Variants in HPSE2 observed in about 807,000 individuals in gnomAD.
HPSE2 encodes inactive heparanase-2.
HPSE2 carries 38 observed loss-of-function variants against 60.5 expected under a neutral mutation model. The observed-to-expected ratio is 0.63, with a 90% CI of 0.48 to 0.82. The LOEUF (loss-of-function observed/expected upper bound fraction) is 0.82. Ranked by LOEUF, HPSE2 falls within the 40% of genes least tolerant of loss-of-function variation. The pLI is 0.00. For missense variants in HPSE2, 713 were observed against 740.4 expected (o/e 0.96, Z 0.43); for synonymous variants, 295 against 293.2 (o/e 1.01, Z -0.06).
At chr10:99,013,765 T>C (rs10883246) in intron 3 of HPSE2, 186,868 of 242,140 alleles carry the variant, frequency 0.77, 72,668 homozygotes, top group East Asian at 0.85. Flanking sequence ...AGCTACCAGC[T>C]GGAAACATGT....
At chr10:99,069,760 A>T (rs1458486948) in intron 3 of HPSE2, among the ~76,000 whole-genome samples, 2 of 151,914 alleles carry the variant, frequency 1.3e-5, no homozygotes, top group Admixed American at 6.6e-5. Flanking sequence ...GTATCATCTC[A>T]TCTAATGCTC....
In HPSE2 at chr10:99,134,893, A is replaced by AATG. The variant is rs555762482; in HGVS notation, c.610+9342_610+9344dup. ...ATTAACCTTAAATGTAAACAGACTA[A>AATG]ATGCCCCAATTAAAAGACACAGACT... On this transcript the variant is annotated intron_variant, in intron 3 of 11. Transcript: ENST00000370552. Among the ~76,000 whole-genome samples, 61 of 152,310 alleles carry AATG rather than the reference A, an allele frequency of 4.0e-4. 1 individual carries two copies. Among genetic ancestry groups the AATG allele is most frequent in the Admixed American group, 2.4e-3 (37 of 15,298 alleles).
chr10:98,685,792 A>G (rs1051261820), intron 6 of HPSE2, among the ~76,000 whole-genome samples: 38 of 152,292 alleles, frequency 2.5e-4, no homozygotes, highest in African/African-American at 9.1e-4. Context: ...TTGTCATAGG[A>G]CAGGCATATA....
intron 3 of HPSE2, among the ~76,000 whole-genome samples, chr10:98,778,755 T>C (rs1269284702): frequency 6.6e-6 from 1 of 152,202 alleles, no homozygotes; most frequent in Non-Finnish European, 1.5e-5. Flanking sequence ...TGTTCATCTA[T>C]AAAGTAGATG....
chr10:99,172,164 G>C (rs1020866926), intron 2 of HPSE2, among the ~76,000 whole-genome samples: 6 of 152,162 alleles, frequency 3.9e-5, no homozygotes, highest in Non-Finnish European at 7.4e-5. Context: ...CCAAGAGTTA[G>C]TTTTTCAAGC....
chr10:99,183,654 G>A lies in HPSE2; in HGVS notation c.449-39255C>T, dbSNP rs187417354. ...CTGAGCTCCCATCTCCTCAACTGCAGCACCCAATTAAAGCCTTCTTCCTGG... is the reference window on the plus strand; with the variant it reads ...CTGAGCTCCCATCTCCTCAACTGCAACACCCAATTAAAGCCTTCTTCCTGG... On this transcript the variant is annotated intron_variant, in intron 2 of 11. Transcript: ENST00000370552. 2.3e-3 allele frequency among the ~76,000 whole-genome samples: 355 copies of A among 152,316 alleles called. 2 individuals are homozygous for A. The highest frequency in any genetic ancestry group is 4.1e-3 in the Non-Finnish European group (276 of 68,026).
chr10:98,601,405 T>A (rs1945421674), intron 9 of HPSE2, among the ~76,000 whole-genome samples: 1 of 152,194 alleles, frequency 6.6e-6, no homozygotes, highest in African/African-American at 2.4e-5. Context: ...ATCCATCAGA[T>A]TAATCAGAGT....
intron 9 of HPSE2, among the ~76,000 whole-genome samples, chr10:98,604,963 C>T (rs980855054): frequency 1.3e-5 from 2 of 152,190 alleles, no homozygotes; most frequent in African/African-American, 4.8e-5. Flanking sequence ...TATCCCAAGG[C>T]CTTCCTGCCT....
At chr10:99,285,505 GA>G in the HPSE2 span, among the ~76,000 whole-genome samples, 1 of 97,002 alleles carries the variant, frequency 1.0e-5, no homozygotes, top group Non-Finnish European at 1.9e-5. Flanking sequence ...GGAGGGAAAG[GA>G]AAGGGAAGGA....
At chr10:99,282,175 C>T in the HPSE2 span, among the ~76,000 whole-genome samples, 8 of 152,116 alleles carry the variant, frequency 5.3e-5, no homozygotes, top group Non-Finnish European at 1.2e-4. Context: ...AGGAGAATGG[C>T]GTGAACCTGG....
chr10:99,235,312 T>C (rs2133958173), intron 1 of HPSE2, among the ~76,000 whole-genome samples: 1 of 152,306 alleles, frequency 6.6e-6, no homozygotes, highest in East Asian at 1.9e-4. Context: ...AACATGTGCA[T>C]CTTAATAGAA....
At chr10:98,502,736 AG>A (rs1359117399) in intron 9 of HPSE2, among the ~76,000 whole-genome samples, 1 of 152,236 alleles carries the variant, frequency 6.6e-6, no homozygotes, top group African/African-American at 2.4e-5. Flanking sequence ...GCACACCAAA[AG>A]GAACAGTCAG....
chr10:98,943,686 T>A (rs966208991), intron 3 of HPSE2, among the ~76,000 whole-genome samples: 1 of 152,170 alleles, frequency 6.6e-6, no homozygotes. Flanking sequence ...AGCTGTCATA[T>A]CATGAGGACA....
chr10:98,794,719 T>C (rs1361461009), intron 3 of HPSE2, among the ~76,000 whole-genome samples: 1 of 152,136 alleles, frequency 6.6e-6, no homozygotes, highest in Non-Finnish European at 1.5e-5. Flanking sequence ...AAAGTTATCC[T>C]TTTCAATATA....
At chr10:99,103,265 G>T (rs1370332682) in intron 3 of HPSE2, among the ~76,000 whole-genome samples, 4 of 152,180 alleles carry the variant, frequency 2.6e-5, no homozygotes, top group Admixed American at 1.3e-4. Context: ...TCCTTAAGCT[G>T]ATAAGCAACT....
intron 3 of HPSE2, among the ~76,000 whole-genome samples, chr10:98,881,647 T>C (rs938205647): frequency 6.6e-6 from 1 of 152,064 alleles, no homozygotes; most frequent in Non-Finnish European, 1.5e-5. Context: ...AGACCATATA[T>C]AACTATTGCT....
chr10:98,985,574 C>T (rs977940954), intron 3 of HPSE2, among the ~76,000 whole-genome samples: 5 of 152,184 alleles, frequency 3.3e-5, no homozygotes, highest in Non-Finnish European at 7.3e-5. Flanking sequence ...TAGGAAGAAA[C>T]TGCATCAACT....
At chr10:99,197,864 C>G (rs1348886921) in intron 2 of HPSE2, among the ~76,000 whole-genome samples, 1 of 152,066 alleles carries the variant, frequency 6.6e-6, no homozygotes, top group Non-Finnish European at 1.5e-5. Flanking sequence ...AGTTTGAGAC[C>G]AGCCTGGCCA....
At chr10:98,766,782 G>T (rs1950128103) in intron 3 of HPSE2, among the ~76,000 whole-genome samples, 2 of 151,944 alleles carry the variant, frequency 1.3e-5, no homozygotes, top group Non-Finnish European at 2.9e-5. Context: ...AAAATTAGCT[G>T]GGCATGGTGG....
Sources: gnomAD v4.1 joint callset for allele counts (sites outside exome capture counted in the v4.1 genomes callset) on GRCh38, gnomAD v4.1.1 for gene constraint, MANE v1.5 for transcripts, NCBI Gene and HGNC (gene_info 2026-07-23, HGNC 2026-07-21) for gene names.